The following PUDP variants were observed in gnomAD, a reference collection of about 807,000 sequenced individuals.
The protein encoded by PUDP is pseudouridine 5'-phosphatase.
PUDP carries 8 observed loss-of-function variants against 9.4 expected under a neutral mutation model. The ratio of observed to expected loss-of-function variants is 0.85; its 90% CI spans 0.50 to 1.53. The LOEUF (loss-of-function observed/expected upper bound fraction) is 1.53. Among genes scored for constraint, PUDP ranks in the 40% most tolerant of loss-of-function variants. PUDP has a pLI of 0.00. For missense variants in PUDP, 188 were observed against 189.7 expected (o/e 0.99, Z 0.05); for synonymous variants, 99 against 80.7 (o/e 1.23, Z -1.22).
rs187989044 is a variant in PUDP, at chrX:6,950,307, C to T, written c.*247+26826G>A. Among the ~76,000 whole-genome samples, 3 of 87,032 alleles carry T rather than the reference C, an allele frequency of 3.4e-5. No individual in the cohort carries two copies. In the East Asian group the frequency reaches 1.1e-3, roughly 32 times the overall value. 75.6% of individuals were successfully genotyped at this position (87,032 alleles called of 115,157 possible). Reference sequence around the variant, plus strand: ...GAGCCTTGATCATGCCACTGCACTCCAGCCTAGGTGACAGAGCAAAGCTCT... The same window carrying T: ...GAGCCTTGATCATGCCACTGCACTCTAGCCTAGGTGACAGAGCAAAGCTCT... On this transcript the variant is annotated intron_variant and NMD_transcript_variant, in intron 3 of 3. Transcript: ENST00000655425.
intron 3 of PUDP, among the ~76,000 whole-genome samples, chrX:6,961,926 G>A (rs1321091100): frequency 8.9e-6 from 1 of 112,290 alleles, no homozygotes; most frequent in Non-Finnish European, 1.9e-5. Context: ...CAAAAAACAA[G>A]TTAACTGCTT....
intron 3 of PUDP, among the ~76,000 whole-genome samples, chrX:6,845,672 CTCTTT>C (rs202085011): frequency 0.096 from 10,720 of 111,876 alleles, 610 homozygotes; most frequent in East Asian, 0.45. Flanking sequence ...ATGTCTTCCT[CTCTTT>C]TCTTTACACT....
At chrX:6,710,367 T>C in intron 1 of PUDP, among the ~76,000 whole-genome samples, 1 of 111,516 alleles carries the variant, frequency 9.0e-6, no homozygotes, top group Non-Finnish European at 1.9e-5. Flanking sequence ...CAATGCAGTG[T>C]AAACTATAAA....
downstream of PUDP, among the ~76,000 whole-genome samples, chrX:7,044,333 A>AT (rs1323959202): frequency 8.9e-6 from 1 of 112,315 alleles, no homozygotes; most frequent in Admixed American, 9.4e-5. Context: ...GCTGCCTTAA[A>AT]TAGCATGGGT....
chrX:6,721,324 A>G (rs1462652917), intron 1 of PUDP: 1 of 112,113 alleles, frequency 8.9e-6, no homozygotes, highest in East Asian at 2.8e-4. Flanking sequence ...AACCCATCCC[A>G]AGTGAGGTGA....
intron 3 of PUDP, among the ~76,000 whole-genome samples, chrX:6,807,792 T>G (rs1424712328): frequency 8.9e-6 from 1 of 112,241 alleles, no homozygotes; most frequent in African/African-American, 3.2e-5. Context: ...TCTCTATGTA[T>G]GAGGACAGAT....
intron 3 of PUDP, among the ~76,000 whole-genome samples, chrX:6,746,464 A>C: frequency 9.0e-6 from 1 of 111,714 alleles, no homozygotes; most frequent in East Asian, 2.8e-4. Context: ...GGTTTGCTAC[A>C]TAAGTAAACG....
At position 7,135,894 on chromosome X, in the gene PUDP, T is replaced by C. The variant is rs978477914; in HGVS notation, c.61+12159A>G. 2.7e-5 allele frequency among the ~76,000 whole-genome samples: 3 copies of C among 110,986 alleles called. No individual in the cohort carries two copies. In the South Asian group the frequency reaches 1.1e-3, roughly 42 times the overall value. On this transcript the variant is annotated intron_variant, in intron 1 of 3. Coordinates refer to ENST00000381077, the MANE Select transcript of PUDP (RefSeq NM_012080.5). ...CACGTTTCTCCTCAGAATAACACTCTCCTACACAGCCATAATACCACTGCC... is the reference window on the plus strand; with the variant it reads ...CACGTTTCTCCTCAGAATAACACTCCCCTACACAGCCATAATACCACTGCC...
At chrX:6,970,641 C>A (rs1196847111) in intron 3 of PUDP, among the ~76,000 whole-genome samples, 1 of 111,944 alleles carries the variant, frequency 8.9e-6, no homozygotes, top group African/African-American at 3.3e-5. Context: ...CTCCAGGTGG[C>A]TCCAAACACA....
At chrX:6,751,065 CG>C (rs1569091850) in intron 3 of PUDP, among the ~76,000 whole-genome samples, 1 of 109,201 alleles carries the variant, frequency 9.2e-6, no homozygotes, top group Admixed American at 9.8e-5. Flanking sequence ...TGGTGTGAAC[CG>C]GGGAGGCGGA....
chrX:7,063,786 C>T (rs1930472798), intron 3 of PUDP, among the ~76,000 whole-genome samples: 2 of 111,096 alleles, frequency 1.8e-5, no homozygotes, highest in South Asian at 3.9e-4. Context: ...CTGGGACTAC[C>T]GGGAAGCACC....
chrX:7,111,887 G>A (rs1331494590), intron 1 of PUDP, among the ~76,000 whole-genome samples: 1 of 111,005 alleles, frequency 9.0e-6, no homozygotes, highest in African/African-American at 3.3e-5. Context: ...GTGAGTTATA[G>A]GGAATTGACA....
intron 3 of PUDP, among the ~76,000 whole-genome samples, chrX:6,834,565 T>C (rs895445839): frequency 8.9e-6 from 1 of 111,999 alleles, no homozygotes; most frequent in Non-Finnish European, 1.9e-5. Flanking sequence ...ATATGTCACC[T>C]TACATGGCCA....
At chrX:7,002,915 A>G (rs1369573359) in intron 1 of PUDP, among the ~76,000 whole-genome samples, 1 of 110,491 alleles carries the variant, frequency 9.1e-6, no homozygotes, top group Admixed American at 9.6e-5. Flanking sequence ...AGCCCCGGAA[A>G]GCACCGAGAA....
At chrX:7,066,130 G>A (rs1000954170) in intron 3 of PUDP, among the ~76,000 whole-genome samples, 1 of 112,036 alleles carries the variant, frequency 8.9e-6, no homozygotes, top group African/African-American at 3.3e-5. Flanking sequence ...TTACTGGCTA[G>A]TTGTCTGAAA....
chrX:6,839,493 T>C (rs1405371672), intron 3 of PUDP, among the ~76,000 whole-genome samples: 4 of 111,983 alleles, frequency 3.6e-5, no homozygotes, highest in African/African-American at 1.3e-4. Context: ...CCGACCATGA[T>C]AAATTTCTTG....
At chrX:7,140,756 T>C (rs1469321472) in intron 1 of PUDP, among the ~76,000 whole-genome samples, 2 of 112,135 alleles carry the variant, frequency 1.8e-5, no homozygotes, top group African/African-American at 6.5e-5. Context: ...TCATAGATTG[T>C]AGTTTTTACA....
chrX:7,016,161 T>A (rs775724826), intron 1 of PUDP, among the ~76,000 whole-genome samples: 1 of 107,623 alleles, frequency 9.3e-6, no homozygotes, highest in South Asian at 4.3e-4. Flanking sequence ...CAAGACTCCA[T>A]CTCTGCAAAA....
intron 3 of PUDP, among the ~76,000 whole-genome samples, chrX:6,763,177 C>G (rs917714332): frequency 8.9e-6 from 1 of 112,084 alleles, no homozygotes; most frequent in African/African-American, 3.2e-5. Flanking sequence ...TCAGTTGAGG[C>G]CAGTTGTTCG....
Sources: allele counts gnomAD v4.1 joint callset (sites outside exome capture counted in the v4.1 genomes callset), GRCh38; gene constraint gnomAD v4.1.1; transcripts MANE v1.5; gene names NCBI Gene and HGNC (gene_info 2026-07-23, HGNC 2026-07-21).